The following EXTL3 variants were observed in gnomAD, a reference collection of about 807,000 sequenced individuals.
EXTL3 encodes exostosin like glycosyltransferase 3, also known as exostosin-like 3.
A neutral mutation model predicts 69.3 loss-of-function variants in EXTL3; 27 were observed. The ratio of observed to expected loss-of-function variants is 0.39; its 90% CI spans 0.29 to 0.54. EXTL3 has a LOEUF of 0.54. EXTL3 is among the 20% of genes least tolerant of loss of function. The pLI is 0.69. For synonymous variants in EXTL3, 511 were observed against 499.4 expected (o/e 1.02, Z -0.31); for missense variants, 1,003 against 1,231.8 (o/e 0.81, Z 2.78).
In EXTL3 at chr8:28,717,371, G is replaced by T; in HGVS notation, c.1312G>T (p.Asp438Tyr). 1 of 1,614,220 alleles carries T rather than the reference G, an allele frequency of 6.2e-7. No individual in the cohort carries two copies. The highest frequency in any genetic ancestry group is 8.5e-7 in the Non-Finnish European group (1 of 1,180,042). Residue 438 changes from aspartate to tyrosine, a missense_variant, in exon 3 of 7, where the codon GAC (aspartate) becomes TAC (tyrosine). By Grantham distance (160) the Asp-to-Tyr change is radical. Transcript: ENST00000220562. The surrounding 1 kb of genome is among the most constrained non-coding windows in gnomAD (Gnocchi z 8.3). ...CTTCGCCCTCATCATTACCCCCGGG[G>T]ACCCTCGCTTGGTTATTTCCTCTGG... Reference protein sequence around the residue: ...STFALIITPGDPRLVISSGCA... With the variant: ...STFALIITPGYPRLVISSGCA...
intron 2 of EXTL3, among the ~76,000 whole-genome samples, chr8:28,612,426 C>T (rs1271616526): frequency 6.6e-6 from 1 of 150,658 alleles, no homozygotes; most frequent in Non-Finnish European, 1.5e-5. Flanking sequence ...TGCACTCCAG[C>T]CTGGGAGCCT....
chr8:28,643,539 C>T (rs945868196), intron 1 of EXTL3, among the ~76,000 whole-genome samples: 8 of 151,806 alleles, frequency 5.3e-5, no homozygotes, highest in Non-Finnish European at 7.4e-5. Context: ...CTCAGCCTCC[C>T]GAGTAGCTGG....
At chr8:28,715,000 A>C (rs1327939804) in intron 2 of EXTL3, among the ~76,000 whole-genome samples, 1 of 152,234 alleles carries the variant, frequency 6.6e-6, no homozygotes, top group African/African-American at 2.4e-5. Context: ...ATGTCTGCTA[A>C]TGGAAGATAA....
chr8:28,617,980 G>T (rs1806349481), upstream of EXTL3, among the ~76,000 whole-genome samples: 1 of 152,176 alleles, frequency 6.6e-6, no homozygotes, highest in African/African-American at 2.4e-5. Flanking sequence ...GCTCACTGGG[G>T]TCTAAGGGGA....
chr8:28,642,130 C>T (rs763942002), intron 1 of EXTL3, among the ~76,000 whole-genome samples: 4 of 152,122 alleles, frequency 2.6e-5, no homozygotes, highest in Admixed American at 6.6e-5. Context: ...CCACCGTGCC[C>T]GGCCTTTTTT....
At position 28,669,149 on chromosome 8, in the gene EXTL3, T is replaced by C. The variant is rs138198490; in HGVS notation, c.-52-44308T>C. On this transcript the variant is annotated intron_variant, in intron 1 of 6. Transcript: ENST00000523149. ...AAAATACTGGGATTACAGGCATAAG[T>C]CACTGTGCCTGGCCTGATAGAAGCA... 4.8e-3 allele frequency among the ~76,000 whole-genome samples: 727 copies of C among 152,244 alleles called. 7 individuals carry two copies. Among genetic ancestry groups the C allele is most frequent in the African/African-American group, 0.017 (704 of 41,532 alleles).
At chr8:28,702,807 C>T (rs1190016177) in intron 1 of EXTL3, among the ~76,000 whole-genome samples, 1 of 152,102 alleles carries the variant, frequency 6.6e-6, no homozygotes, top group East Asian at 1.9e-4. Context: ...ACTGGCAGAG[C>T]TCCCCGTGCT....
At chr8:28,634,592 A>G (rs1585223281) in intron 1 of EXTL3, among the ~76,000 whole-genome samples, 1 of 143,554 alleles carries the variant, frequency 7.0e-6, no homozygotes, top group Non-Finnish European at 1.5e-5. Flanking sequence ...AGATGACCAC[A>G]TCTGCTTTTT....
intron 1 of EXTL3, among the ~76,000 whole-genome samples, chr8:28,655,970 G>A (rs1045577027): frequency 7.2e-5 from 11 of 152,158 alleles, no homozygotes; most frequent in African/African-American, 2.7e-4. Context: ...ATAGGAGTTA[G>A]TTGATGATGG....
At chr8:28,701,495 C>T (rs530694451), upstream of EXTL3, 3 of 152,520 alleles carry the variant, frequency 2.0e-5, no homozygotes, top group South Asian at 5.5e-4. Flanking sequence ...CGCCCTTCGG[C>T]AAGTTCCGCA....
intron 1 of EXTL3, among the ~76,000 whole-genome samples, chr8:28,640,606 C>T (rs1323344727): frequency 6.6e-6 from 1 of 152,078 alleles, no homozygotes; most frequent in Non-Finnish European, 1.5e-5. Context: ...GTATTTTTAA[C>T]TTAATTATTT....
intron 1 of EXTL3, among the ~76,000 whole-genome samples, chr8:28,693,635 T>C (rs184656508): frequency 6.6e-6 from 1 of 152,330 alleles, no homozygotes; most frequent in Non-Finnish European, 1.5e-5. Context: ...TGCCACAAAT[T>C]ATCTGTGAGC....
At chr8:28,748,310 G>A (rs1163137566) in intron 6 of EXTL3, among the ~76,000 whole-genome samples, 2 of 151,394 alleles carry the variant, frequency 1.3e-5, no homozygotes, top group South Asian at 2.1e-4. Flanking sequence ...GGCGGAGTTC[G>A]TAGTGAGCCG....
intron 1 of EXTL3, among the ~76,000 whole-genome samples, chr8:28,704,028 T>A (rs545513026): frequency 5.9e-5 from 9 of 152,338 alleles, no homozygotes; most frequent in Admixed American, 5.9e-4. Flanking sequence ...GCTTCATCTT[T>A]TCTTTTCTTG....
At chr8:28,647,283 T>C (rs1806847475) in intron 1 of EXTL3, among the ~76,000 whole-genome samples, 1 of 152,078 alleles carries the variant, frequency 6.6e-6, no homozygotes, top group Non-Finnish European at 1.5e-5. Flanking sequence ...TTTTTTTATT[T>C]AGTAGAGACG....
Position 28,717,501 on chromosome 8 carries a change from C to T in EXTL3, c.1442C>T (p.Ala481Val), listed in dbSNP as rs764122764. The change falls in exon 3 of 7, where the codon GCG becomes GTG. Residue 481 changes from alanine to valine, a missense_variant. Around this residue, in one of 2 missense-constraint regions of EXTL3, gnomAD observed 742 missense variants for 815.4 expected, o/e 0.91. Transcript: ENST00000220562. The surrounding 1 kb of genome is among the most constrained non-coding windows in gnomAD (Gnocchi z 8.3). ...CAGGACATGCTGCAGTGGAACGAGGCGGCCCTGGTGGTGCCAAAGCCTCGT... is the reference window on the plus strand; with the variant it reads ...CAGGACATGCTGCAGTGGAACGAGGTGGCCCTGGTGGTGCCAAAGCCTCGT... ...PYQDMLQWNEAALVVPKPRVT... is the reference protein window; with the variant it reads ...PYQDMLQWNEVALVVPKPRVT... 13 of 1,614,126 alleles carry T rather than the reference C, an allele frequency of 8.1e-6. No individual in the cohort carries two copies. The highest frequency in any genetic ancestry group is 4.5e-5 in the East Asian group (2 of 44,904).
Position 28,716,119 on chromosome 8 carries a change from G to C in EXTL3, c.60G>C (p.Met20Ile). ...CGGGGAACGGAGGTCAGACCTGCAT[G>C]CTGCGCTGGTCCAACCGCATCCGCC... ...GGAGNGGQTC[M>I]LRWSNRIRLT... Residue 20 changes from methionine to isoleucine, a missense_variant, in exon 3 of 7, where the codon ATG (methionine) becomes ATC (isoleucine). Met to Ile is a conservative substitution (Grantham distance 10). Around this residue, in one of 2 missense-constraint regions of EXTL3, gnomAD observed 742 missense variants for 815.4 expected, o/e 0.91. Transcript: ENST00000220562. This position sits in a 1 kb window ranked among gnomAD's most constrained non-coding sequence, Gnocchi z 7.1. 2 of 1,613,612 alleles carry C rather than the reference G, an allele frequency of 1.2e-6. No homozygotes were observed. Among genetic ancestry groups the C allele is most frequent in the South Asian group, 2.2e-5 (2 of 91,090 alleles).
At chr8:28,645,857 T>TATTGATTG (rs1237659197) in intron 1 of EXTL3, among the ~76,000 whole-genome samples, 1 of 150,910 alleles carries the variant, frequency 6.6e-6, no homozygotes, top group African/African-American at 2.4e-5. Flanking sequence ...GTTATTCTCT[T>TATTGATTG]ATTGATTGAT....
intron 6 of EXTL3, among the ~76,000 whole-genome samples, chr8:28,748,298 G>T (rs557790916): frequency 1.3e-5 from 2 of 151,718 alleles, no homozygotes; most frequent in East Asian, 3.9e-4. Flanking sequence ...ATAAACCTGG[G>T]AGGCGGAGTT....
Sources: gnomAD v4.1 joint callset for allele counts (sites outside exome capture counted in the v4.1 genomes callset) on GRCh38, gnomAD v4.1.1 for gene constraint, gnomAD v4.1.1 regional missense constraint, Gnocchi (gnomAD v3.1) non-coding constraint, MANE v1.5 for transcripts, NCBI Gene and HGNC (gene_info 2026-07-23, HGNC 2026-07-21) for gene names.